The following MBTD1 variants were observed in gnomAD, a reference collection of about 807,000 sequenced individuals.
The protein encoded by MBTD1 is mbt domain containing 1.
A neutral mutation model predicts 87.8 loss-of-function variants in MBTD1; 24 were observed. That is an observed-to-expected ratio of 0.27 (90% CI 0.20 to 0.38). MBTD1 has a LOEUF of 0.38. Ranked by LOEUF, MBTD1 falls within the 10% of genes least tolerant of loss-of-function variation. The pLI is 1.00. For missense variants in MBTD1, 436 were observed against 760.2 expected (o/e 0.57, Z 5.02); for synonymous variants, 237 against 248.6 (o/e 0.95, Z 0.44).
chr17:51,211,252 G>A (rs2052190156), intron 6 of MBTD1, among the ~76,000 whole-genome samples: 1 of 152,096 alleles, frequency 6.6e-6, no homozygotes, highest in African/African-American at 2.4e-5. Context: ...CAGTACTTTG[G>A]GAGGCCAAGG....
chr17:51,203,212 A>G lies in MBTD1; in HGVS notation c.756T>C (p.Tyr252=), dbSNP rs138758456. ...TCACTAGAAAAGCTTTCCAGTTTGT[A>G]TATTTATGCTGAATAGCTAAAATAG... ...LVPPRTIQHK[Y]TNWKAFLVKR... Residue 252 remains tyrosine, a synonymous_variant, in exon 9 of 17, where the codon TAT becomes TAC. Transcript: ENST00000586178. 519 of 1,552,398 alleles carry G rather than the reference A, an allele frequency of 3.3e-4. No individual in the cohort carries two copies. The highest frequency in any genetic ancestry group is 4.1e-4 in the Non-Finnish European group (474 of 1,153,720).
At chr17:51,260,295 C>T, upstream of MBTD1, 1 of 516,246 alleles carries the variant, frequency 1.9e-6, no homozygotes. Flanking sequence ...TTCTTGCGCT[C>T]CTTTCAATAT....
chr17:51,202,251 A>G (rs1227629393), intron 10 of MBTD1, among the ~76,000 whole-genome samples, 174 bp from the exon 11 acceptor site: 3 of 152,204 alleles, frequency 2.0e-5, no homozygotes, highest in African/African-American at 7.2e-5. Context: ...TTCAGAGTAC[A>G]TGTGCATATA....
At chr17:51,218,402 G>A (rs1467087562) in intron 5 of MBTD1, among the ~76,000 whole-genome samples, 1 of 151,514 alleles carries the variant, frequency 6.6e-6, no homozygotes, top group African/African-American at 2.4e-5. Context: ...GGTGGCGTGC[G>A]CCTGTAGTCT....
intron 16 of MBTD1, among the ~76,000 whole-genome samples, chr17:51,188,407 A>G (rs1310410626): frequency 6.6e-6 from 1 of 152,236 alleles, no homozygotes; most frequent in Non-Finnish European, 1.5e-5. Flanking sequence ...TTTCTGTACA[A>G]TAAGCACTGC....
At chr17:51,186,299 T>G (rs1039544901) in intron 16 of MBTD1, 3 of 152,444 alleles carry the variant, frequency 2.0e-5, no homozygotes, top group Non-Finnish European at 4.4e-5. Flanking sequence ...AAAGCTGTGC[T>G]GCACAGGACA....
At chr17:51,215,836 GC>G (rs1181557285) in intron 6 of MBTD1, among the ~76,000 whole-genome samples, 1 of 151,888 alleles carries the variant, frequency 6.6e-6, no homozygotes, top group Non-Finnish European at 1.5e-5. Flanking sequence ...TCCTTTAATG[GC>G]CATGAATCAG....
intron 11 of MBTD1, 44 bp from the exon 12 acceptor site, chr17:51,201,740 T>C (rs1484536825): frequency 7.9e-7 from 1 of 1,263,086 alleles, no homozygotes; most frequent in Non-Finnish European, 1.1e-6. Context: ...CAAATGTTGT[T>C]ATTTTGATAA....
At chr17:51,182,032 AT>A (rs1345028796) in intron 16 of MBTD1, among the ~76,000 whole-genome samples, 8 of 152,236 alleles carry the variant, frequency 5.3e-5, no homozygotes, top group Non-Finnish European at 1.2e-4. Context: ...GTGTTGAGCA[AT>A]GCTACCTTCT....
At chr17:51,230,362 TG>T (rs2053480307) in intron 2 of MBTD1, among the ~76,000 whole-genome samples, 10 of 152,196 alleles carry the variant, frequency 6.6e-5, no homozygotes, top group Admixed American at 6.5e-4. Context: ...GTGCAAGTTA[TG>T]GGTTTCTTCT....
rs1598379801 is a variant in MBTD1 at position 51,225,275 on chromosome 17, G to C, written c.-48-66C>G. On this transcript the variant is annotated intron_variant, in intron 2 of 16. Coordinates refer to ENST00000586178, the MANE Select transcript of MBTD1 (RefSeq NM_017643.3). ...CATACACACCCCCTAAAAGACCCTA[G>C]CACAAATTCTGGTAAATGAGATTTG... The C allele has an allele frequency of 5.4e-6, 4 of 738,642 alleles. No homozygotes were observed. In the East Asian group the frequency reaches 9.8e-5, roughly 18 times the overall value. 45.8% of individuals were successfully genotyped at this position (738,642 alleles called of 1,614,324 possible).
At chr17:51,212,438 CTTT>C (rs59653419) in intron 6 of MBTD1, among the ~76,000 whole-genome samples, 5 of 136,218 alleles carry the variant, frequency 3.7e-5, no homozygotes, top group Admixed American at 7.4e-5. Flanking sequence ...GTACAAATGA[CTTT>C]TTTTTTTTTT....
chr17:51,255,152 T>C (rs1050200354), intron 2 of MBTD1, among the ~76,000 whole-genome samples: 3 of 151,860 alleles, frequency 2.0e-5, no homozygotes, highest in Admixed American at 2.0e-4. Flanking sequence ...GTGGTGGCAT[T>C]TGCCTGTAGT....
At chr17:51,212,762 CTATT>C (rs1250293844) in intron 6 of MBTD1, among the ~76,000 whole-genome samples, 3 of 151,994 alleles carry the variant, frequency 2.0e-5, no homozygotes, top group African/African-American at 7.2e-5. Context: ...ATTTATTTAT[CTATT>C]TATTTTTGAG....
rs2053132015 is a variant in MBTD1, at chr17:51,225,064, G to A, written c.98C>T (p.Pro33Leu). 1 of 1,551,142 alleles carries A rather than the reference G, an allele frequency of 6.4e-7. No homozygotes were observed. The highest frequency in any genetic ancestry group is 8.7e-7 in the Non-Finnish European group (1 of 1,146,642). The part of the protein sequence containing the change: ...EEVAPLPSNL[P>L]IIKNNGQVYT... ...GACTTGCCCATTGTTTTTGATAATC[G>A]GGAGATTAGAAGGTAAAGGAGCGAC... The change falls in exon 3 of 17, where the codon CCG becomes CTG. Residue 33 changes from proline to leucine, a missense_variant. Transcript: ENST00000586178.
chr17:51,181,657 C>CCT (rs1273107683), intron 16 of MBTD1, among the ~76,000 whole-genome samples: 4 of 152,038 alleles, frequency 2.6e-5, no homozygotes, highest in African/African-American at 7.2e-5. Context: ...ACCCTGTGTA[C>CCT]CTCTCCTCCT....
chr17:51,211,223 T>C (rs1044449954), intron 6 of MBTD1, among the ~76,000 whole-genome samples: 3 of 151,708 alleles, frequency 2.0e-5, no homozygotes, highest in Non-Finnish European at 4.4e-5. Flanking sequence ...CCAGGCATGA[T>C]GGCTCATGCC....
intron 2 of MBTD1, among the ~76,000 whole-genome samples, chr17:51,243,019 T>C (rs1378587891): frequency 6.6e-6 from 1 of 152,230 alleles, no homozygotes; most frequent in African/African-American, 2.4e-5. Context: ...CAATTACAAA[T>C]ACGCTGCAGC....
At chr17:51,246,634 A>T (rs2054451942) in intron 2 of MBTD1, among the ~76,000 whole-genome samples, 1 of 151,938 alleles carries the variant, frequency 6.6e-6, no homozygotes, top group African/African-American at 2.4e-5. Context: ...TTCCACTGTT[A>T]TGTCTCTAAT....
Sources: allele counts gnomAD v4.1 joint callset (sites outside exome capture counted in the v4.1 genomes callset), GRCh38; gene constraint gnomAD v4.1.1; transcripts MANE v1.5; gene names NCBI Gene and HGNC (gene_info 2026-07-23, HGNC 2026-07-21).